Variants in GRK5 observed in about 807,000 individuals in gnomAD.
GRK5 encodes G protein-coupled receptor kinase 5, also known as g protein-coupled receptor kinase GRK5.
A neutral mutation model predicts 78.4 loss-of-function variants in GRK5; 40 were observed. The observed-to-expected ratio is 0.51, with a 90% CI of 0.40 to 0.66. The LOEUF is 0.66. Among genes scored for constraint, GRK5 ranks in the 30% least tolerant of loss-of-function variants. GRK5 has a pLI of 0.00. For missense variants in GRK5, 598 were observed against 759.9 expected, an observed-to-expected ratio of 0.79 and a Z score of 2.50; for synonymous variants, 289 against 296.8, an observed-to-expected ratio of 0.97 and a Z score of 0.27.
intron 1 of GRK5, among the ~76,000 whole-genome samples, chr10:119,291,780 A>C (rs1239672844): frequency 2.4e-3 from 209 of 88,110 alleles, no homozygotes; most frequent in Admixed American, 3.4e-3. Context: ...CCTTATCCTC[A>C]TCCTCCTCCT....
intron 1 of GRK5, among the ~76,000 whole-genome samples, chr10:119,218,930 G>A (rs549886262): frequency 4.1e-5 from 6 of 145,734 alleles, no homozygotes; most frequent in African/African-American, 1.3e-4. Flanking sequence ...ACGGAGTCTC[G>A]CTCTGTCCCT....
intron 4 of GRK5, among the ~76,000 whole-genome samples, chr10:119,403,925 G>A (rs1014113568): frequency 1.3e-5 from 2 of 152,182 alleles, no homozygotes; most frequent in Admixed American, 6.5e-5. Context: ...ACGAGCCACC[G>A]TGTCCAACCT....
chr10:119,334,339 C>T (rs1850838034), intron 2 of GRK5, among the ~76,000 whole-genome samples: 2 of 152,176 alleles, frequency 1.3e-5, no homozygotes. Flanking sequence ...AGATTCCTTG[C>T]CACCCATCTC....
At chr10:119,425,150 C>A in intron 6 of GRK5, 65 bp downstream of exon 6, 1 of 1,219,054 alleles carries the variant, frequency 8.2e-7, no homozygotes, top group South Asian at 1.2e-5. Context: ...TCTGAGAATT[C>A]ATATAAAAAT....
intron 1 of GRK5, among the ~76,000 whole-genome samples, chr10:119,288,711 G>C (rs961899434): frequency 5.3e-5 from 8 of 152,170 alleles, no homozygotes; most frequent in African/African-American, 1.7e-4. Context: ...TGTGGGGAGT[G>C]GGGGTGGTTG....
chr10:119,358,569 T>C (rs1011747202), intron 2 of GRK5, among the ~76,000 whole-genome samples: 3 of 152,016 alleles, frequency 2.0e-5, no homozygotes, highest in African/African-American at 7.3e-5. Context: ...CCTCATCTGC[T>C]CCTCTTCCAC....
At chr10:119,313,167 G>GTGGTGGTGGTGATGGTGATGATGA (rs1850415033) in intron 1 of GRK5, among the ~76,000 whole-genome samples, 2 of 147,286 alleles carry the variant, frequency 1.4e-5, no homozygotes, top group Non-Finnish European at 3.0e-5. Flanking sequence ...GGTAATGGTA[G>GTGGTGGTGGTGATGGTGATGATGA]TGGTGGTGGT....
intron 1 of GRK5, among the ~76,000 whole-genome samples, chr10:119,296,873 C>T (rs79819064): frequency 0.027 from 4,054 of 152,324 alleles, 118 homozygotes; most frequent in Non-Finnish European, 0.035. Context: ...TGAGTCCAAG[C>T]GCAGGGCCCC....
chr10:119,303,511 C>CA (rs1157687043), intron 1 of GRK5, among the ~76,000 whole-genome samples: 4 of 152,070 alleles, frequency 2.6e-5, no homozygotes, highest in Non-Finnish European at 5.9e-5. Context: ...GGGAGGAGCT[C>CA]AGAGTGTCTG....
chr10:119,396,585 G>A (rs1852057171), intron 3 of GRK5, 110 bp from the exon 4 acceptor site: 2 of 831,614 alleles, frequency 2.4e-6, no homozygotes, highest in Admixed American at 2.2e-5. Context: ...AGGAGAAGGG[G>A]GTTGGTCAGG....
chr10:119,387,083 C>T (rs745461870), intron 3 of GRK5, among the ~76,000 whole-genome samples: 26 of 152,066 alleles, frequency 1.7e-4, no homozygotes, highest in African/African-American at 6.3e-4. Flanking sequence ...CAGCTCACTA[C>T]AGCCTCCGCC....
At chr10:119,245,793 G>A (rs61874472) in intron 1 of GRK5, among the ~76,000 whole-genome samples, 16,649 of 151,904 alleles carry the variant, frequency 0.11, 1,612 homozygotes, top group African/African-American at 0.26. Flanking sequence ...CGAGGCGGGC[G>A]GATCACGAGG....
intron 4 of GRK5, among the ~76,000 whole-genome samples, chr10:119,400,615 TGGGAATGGGGAGGG>T (rs1852134206): frequency 7.0e-6 from 1 of 142,590 alleles, no homozygotes; most frequent in Non-Finnish European, 1.5e-5. Flanking sequence ...GCTGTGGGGG[TGGGAATGGGGAGGG>T]GGCCCCTCTG....
chr10:119,209,210 G>A (rs1443478951), intron 1 of GRK5, among the ~76,000 whole-genome samples: 1 of 152,168 alleles, frequency 6.6e-6, no homozygotes, highest in Non-Finnish European at 1.5e-5. Flanking sequence ...TGTGGGGGTA[G>A]GTGATGCATA....
At chr10:119,231,568 G>A (rs770725440) in intron 1 of GRK5, among the ~76,000 whole-genome samples, 3 of 151,690 alleles carry the variant, frequency 2.0e-5, no homozygotes, top group Non-Finnish European at 2.9e-5. Context: ...TTAGCTGGGC[G>A]TGGTGGTGGA....
At chr10:119,222,359 C>T (rs771920540) in intron 1 of GRK5, among the ~76,000 whole-genome samples, 9 of 151,942 alleles carry the variant, frequency 5.9e-5, no homozygotes, top group East Asian at 1.9e-4. Flanking sequence ...GAGGAAGGGA[C>T]GCCCCTTCCT....
At chr10:119,417,406 G>A (rs536093408) in intron 4 of GRK5, among the ~76,000 whole-genome samples, 1 of 152,340 alleles carries the variant, frequency 6.6e-6, no homozygotes, top group Non-Finnish European at 1.5e-5. Flanking sequence ...GTTGACCTGG[G>A]AGGGGTGCGG....
chr10:119,342,013 G>T (rs1271511072), intron 2 of GRK5, among the ~76,000 whole-genome samples: 9 of 152,194 alleles, frequency 5.9e-5, no homozygotes, highest in Admixed American at 3.3e-4. Context: ...TGGGAGGCGT[G>T]GGAGAGTTAT....
intron 1 of GRK5, among the ~76,000 whole-genome samples, chr10:119,266,004 C>G (rs1470040875): frequency 6.6e-6 from 1 of 152,186 alleles, no homozygotes; most frequent in East Asian, 1.9e-4. Context: ...CTGAGGACCC[C>G]CATCCCTTCA....
Sources: allele counts gnomAD v4.1 joint callset (sites outside exome capture counted in the v4.1 genomes callset), GRCh38; gene constraint gnomAD v4.1.1; transcripts MANE v1.5; gene names NCBI Gene and HGNC (gene_info 2026-07-23, HGNC 2026-07-21).